The following DNAAF9 variants were observed in gnomAD, a reference collection of about 807,000 sequenced individuals.
The protein encoded by DNAAF9 is shulin.
DNAAF9 carries 90 observed loss-of-function variants against 167.0 expected under a neutral mutation model. The ratio of observed to expected loss-of-function variants is 0.54; its 90% CI spans 0.45 to 0.64. The LOEUF is 0.64. DNAAF9 is among the 30% of genes least tolerant of loss of function. The pLI is 0.00. For synonymous variants in DNAAF9, 491 were observed against 508.8 expected, an observed-to-expected ratio of 0.96 and a Z score of 0.47; for missense variants, 1,315 against 1,442.2, an observed-to-expected ratio of 0.91 and a Z score of 1.43.
chr20:3,371,756 A>G (rs2083513945), intron 6 of DNAAF9, among the ~76,000 whole-genome samples: 1 of 152,112 alleles, frequency 6.6e-6, no homozygotes, highest in African/African-American at 2.4e-5. Flanking sequence ...CAATATGAAG[A>G]TCTATTTGTC....
intron 1 of DNAAF9, among the ~76,000 whole-genome samples, chr20:3,389,392 C>T (rs1401520353): frequency 6.6e-6 from 1 of 151,646 alleles, no homozygotes; most frequent in Non-Finnish European, 1.5e-5. Context: ...CTCAAGCAAT[C>T]TGCCCACCTT....
chr20:3,347,063 T>C (rs2070206458), intron 8 of DNAAF9, among the ~76,000 whole-genome samples: 1 of 151,648 alleles, frequency 6.6e-6, no homozygotes, highest in African/African-American at 2.4e-5. Flanking sequence ...CAGCAAGACA[T>C]ACCATAATCA....
At chr20:3,352,170 T>C (rs927627637) in intron 7 of DNAAF9, among the ~76,000 whole-genome samples, 19 of 152,238 alleles carry the variant, frequency 1.2e-4, no homozygotes, top group African/African-American at 4.6e-4. Flanking sequence ...AAATGTTCTC[T>C]CAACTTATTT....
At position 3,371,567 on chromosome 20, in the gene DNAAF9, T is replaced by A. The variant is rs1055685112; in HGVS notation, c.612+2481A>T. 2.0e-5 allele frequency among the ~76,000 whole-genome samples: 3 copies of A among 152,170 alleles called. No homozygotes were observed. The East Asian group carries it at 5.8e-4, about 29-fold the overall frequency. On this transcript the variant is annotated intron_variant, in intron 6 of 36. Coordinates refer to ENST00000252032, the MANE Select transcript of DNAAF9 (RefSeq NM_001009984.3). Reference sequence around the variant, plus strand: ...ACCGTGTTACCCAGGATGGTCTCGATCTGCTGACCTCGTGATCCGCCCGCC... The same window carrying A: ...ACCGTGTTACCCAGGATGGTCTCGAACTGCTGACCTCGTGATCCGCCCGCC...
At chr20:3,332,184 T>C in intron 11 of DNAAF9, 96 bp downstream of exon 11, 1 of 698,070 alleles carries the variant, frequency 1.4e-6, no homozygotes, top group Non-Finnish European at 2.5e-6. Context: ...TAACCTGAGC[T>C]TCCAAGCAAA....
At position 3,294,393 on chromosome 20, in the gene DNAAF9, C is replaced by T. The variant is rs919560346; in HGVS notation, c.2120+135G>A. On this transcript the variant is annotated intron_variant, in intron 24 of 36. Transcript: ENST00000252032. ...TCTCTCTAGAGAATAAAATTGTGTACAGTGTGTTACTGCGACATTTTACAG... is the reference window on the plus strand; with the variant it reads ...TCTCTCTAGAGAATAAAATTGTGTATAGTGTGTTACTGCGACATTTTACAG... The T allele has an allele frequency of 7.5e-6, 6 of 798,278 alleles. No individual in the cohort carries two copies. The African/African-American group carries it at 1.0e-4, about 14-fold the overall frequency. The allele number at this position is 798,278 out of a possible 1,614,324, so 49.4% of individuals were successfully genotyped here. A position where few individuals can be genotyped will look rare whatever the true frequency, so the allele number is the denominator to read the frequency against.
intron 7 of DNAAF9, among the ~76,000 whole-genome samples, chr20:3,357,949 G>A (rs972354583): frequency 6.6e-6 from 1 of 152,068 alleles, no homozygotes; most frequent in African/African-American, 2.4e-5. Flanking sequence ...GTTCAAGGCT[G>A]TAGTGAGCTA....
At chr20:3,378,810 C>CTGAG (rs1379256210) in intron 3 of DNAAF9, among the ~76,000 whole-genome samples, 2 of 152,186 alleles carry the variant, frequency 1.3e-5, no homozygotes, top group Non-Finnish European at 2.9e-5. Context: ...GACCACACAG[C>CTGAG]TGAGTGGCCT....
intron 7 of DNAAF9, among the ~76,000 whole-genome samples, chr20:3,351,518 A>G (rs925832474): frequency 2.6e-5 from 4 of 152,272 alleles, no homozygotes; most frequent in Admixed American, 6.5e-5. Context: ...GATGGCAACT[A>G]TAAGACAAAT....
chr20:3,373,909 C>T, intron 6 of DNAAF9, 139 bp downstream of exon 6: 1 of 595,572 alleles, frequency 1.7e-6, no homozygotes, highest in Non-Finnish European at 3.0e-6. Context: ...TTTTCCATTT[C>T]AAGTCTCCTA....
chr20:3,392,116 T>C (rs563861233), intron 1 of DNAAF9, among the ~76,000 whole-genome samples: 37 of 152,222 alleles, frequency 2.4e-4, no homozygotes, highest in Non-Finnish European at 1.0e-4. Flanking sequence ...CCAGGCTGCA[T>C]TGATTGCACC....
rs561830783 is a variant in DNAAF9 at position 3,371,632 on chromosome 20, C to T, written c.612+2416G>A. 6.6e-5 allele frequency among the ~76,000 whole-genome samples: 10 copies of T among 152,200 alleles called. No individual in the cohort carries two copies. The South Asian group carries it at 1.5e-3, about 22-fold the overall frequency. On this transcript the variant is annotated intron_variant, in intron 6 of 36. Transcript: ENST00000252032. ...TGCTGGGATTACAGGTGTGAGCCAC[C>T]GCGCCCGGCAGAAAATCTTTTTTTA...
In DNAAF9 at chr20:3,300,678, A is replaced by AAATAATAAT. The variant is rs34199778; in HGVS notation, c.1783-2512_1783-2504dup. Among the ~76,000 whole-genome samples the AAATAATAAT allele has an allele frequency of 6.8e-4, 91 of 134,084 alleles. 1 individual carries two copies. Among genetic ancestry groups the AAATAATAAT allele is most frequent in the South Asian group, 2.0e-3 (8 of 3,938 alleles). The allele number at this position is 134,084 out of a possible 152,430, so 88.0% of individuals were successfully genotyped here. A position where few individuals can be genotyped will look rare whatever the true frequency, so the allele number is the denominator to read the frequency against. ...TGGGTGACAGAGCGAGACTCCATCT[A>AAATAATAAT]AATAATAATAATAATAATAATAATA... On this transcript the variant is annotated intron_variant, in intron 21 of 36. Coordinates refer to ENST00000252032, the MANE Select transcript of DNAAF9 (RefSeq NM_001009984.3).
At chr20:3,305,039 T>C (rs1345081382) in intron 20 of DNAAF9, among the ~76,000 whole-genome samples, 1 of 152,126 alleles carries the variant, frequency 6.6e-6, no homozygotes, top group East Asian at 1.9e-4. Context: ...ACATTTGAGT[T>C]AGGTAATGAG....
At chr20:3,338,674 C>T (rs1387768838) in intron 10 of DNAAF9, among the ~76,000 whole-genome samples, 3 of 124,992 alleles carry the variant, frequency 2.4e-5, no homozygotes, top group Non-Finnish European at 4.9e-5. Context: ...TTTTCTGAGA[C>T]GGAGTTTTGC....
chr20:3,304,333 C>A, intron 21 of DNAAF9, 107 bp downstream of exon 21: 1 of 707,146 alleles, frequency 1.4e-6, no homozygotes, highest in Non-Finnish European at 2.6e-6. Flanking sequence ...TGGTTCCTGA[C>A]ATACTGCCCT....
intron 3 of DNAAF9, among the ~76,000 whole-genome samples, chr20:3,379,251 T>G (rs2083614668): frequency 6.6e-6 from 1 of 151,934 alleles, no homozygotes; most frequent in East Asian, 1.9e-4. Flanking sequence ...AACCAAAGTT[T>G]AACAGAGTTT....
chr20:3,362,851 G>A (rs543626600), intron 6 of DNAAF9, among the ~76,000 whole-genome samples: 2 of 152,248 alleles, frequency 1.3e-5, no homozygotes, highest in East Asian at 3.9e-4. Flanking sequence ...CTCAGTTGAT[G>A]GATTTTGCTC....
In DNAAF9 at chr20:3,295,515, C is replaced by A. The variant is rs548506767; in HGVS notation, c.2019-886G>T. 1.2e-4 allele frequency: 30 copies of A among 254,180 alleles called. No individual in the cohort carries two copies. In the East Asian group the frequency reaches 3.1e-3, roughly 26 times the overall value. The allele number at this position is 254,180 out of a possible 1,614,324, so 15.7% of individuals were successfully genotyped here. A position where few individuals can be genotyped will look rare whatever the true frequency, so the allele number is the denominator to read the frequency against. ...TTTTAAAGAAGCCCAAACACATTTT[C>A]TTGCTGTATTTATGTTGAATTCCCC... On this transcript the variant is annotated intron_variant, in intron 23 of 36. Transcript: ENST00000252032.
Sources: allele counts gnomAD v4.1 joint callset (sites outside exome capture counted in the v4.1 genomes callset), GRCh38; gene constraint gnomAD v4.1.1; transcripts MANE v1.5; gene names NCBI Gene and HGNC (gene_info 2026-07-23, HGNC 2026-07-21).